The following ASIC2 variants were observed in gnomAD, a reference collection of about 807,000 sequenced individuals.
ASIC2 encodes acid-sensing ion channel 2.
In ASIC2, 25 loss-of-function variants were observed where a neutral mutation model predicts 57.3. That is an observed-to-expected ratio of 0.44 (90% CI 0.32 to 0.61). The LOEUF (loss-of-function observed/expected upper bound fraction) is 0.61, where lower values mean the gene tolerates loss of function less well. Among genes scored for constraint, ASIC2 ranks in the 20% least tolerant of loss-of-function variants. The probability of loss-of-function intolerance (pLI) is 0.06; values close to 1 mark genes in which losing one functional copy is unlikely to be tolerated. For missense variants in ASIC2, 641 were observed against 738.1 expected (o/e 0.87, Z 1.52); for synonymous variants, 319 against 307.5 (o/e 1.04, Z -0.39).
At chr17:33,512,382 C>T (rs1156835738) in intron 1 of ASIC2, among the ~76,000 whole-genome samples, 1 of 152,174 alleles carries the variant, frequency 6.6e-6, no homozygotes, top group Non-Finnish European at 1.5e-5. Flanking sequence ...GCTAGTTGGT[C>T]ATAGCTGTAG....
At chr17:33,578,987 A>T (rs947983878) in intron 1 of ASIC2, among the ~76,000 whole-genome samples, 5 of 152,112 alleles carry the variant, frequency 3.3e-5, no homozygotes, top group African/African-American at 9.7e-5. Flanking sequence ...GGAAGCGGTT[A>T]TAGAATGCAG....
chr17:33,462,783 G>A (rs953106982), intron 1 of ASIC2, among the ~76,000 whole-genome samples: 1 of 152,240 alleles, frequency 6.6e-6, no homozygotes, highest in African/African-American at 2.4e-5. Context: ...GAATTCTGGT[G>A]AGAACTTTGA....
chr17:33,986,761 C>T (rs1228286828), intron 1 of ASIC2, among the ~76,000 whole-genome samples: 1 of 151,880 alleles, frequency 6.6e-6, no homozygotes, highest in Non-Finnish European at 1.5e-5. Context: ...AGTCTTAATC[C>T]CCCATTATAC....
At chr17:33,776,211 G>T (rs1301595366) in intron 1 of ASIC2, among the ~76,000 whole-genome samples, 1 of 152,004 alleles carries the variant, frequency 6.6e-6, no homozygotes, top group African/African-American at 2.4e-5. Flanking sequence ...AACCCTCAAG[G>T]TTATTGGTAT....
chr17:33,751,007 G>T (rs753806094), intron 1 of ASIC2, among the ~76,000 whole-genome samples: 8 of 152,158 alleles, frequency 5.3e-5, no homozygotes, highest in South Asian at 2.1e-4. Context: ...GATGAAAGGG[G>T]GCCCCTTTTG....
chr17:34,083,992 A>G (rs1567814427), intron 1 of ASIC2, among the ~76,000 whole-genome samples: 1 of 152,044 alleles, frequency 6.6e-6, no homozygotes. Context: ...CTCCGATGGT[A>G]GTTTCTTTTG....
chr17:33,575,241 G>A (rs1916581502), intron 1 of ASIC2, among the ~76,000 whole-genome samples: 1 of 152,142 alleles, frequency 6.6e-6, no homozygotes, highest in African/African-American at 2.4e-5. Flanking sequence ...TCATATGAAG[G>A]TAGAGATGCA....
chr17:33,109,505 T>G (rs2092248182), intron 2 of ASIC2, among the ~76,000 whole-genome samples: 2 of 152,014 alleles, frequency 1.3e-5, no homozygotes. Flanking sequence ...TCTAAGTGAG[T>G]GTGCTGGTCC....
chr17:34,024,207 G>C (rs1597979279), intron 1 of ASIC2, among the ~76,000 whole-genome samples: 2 of 152,328 alleles, frequency 1.3e-5, no homozygotes, highest in East Asian at 1.9e-4. Flanking sequence ...CCCACTGGCT[G>C]TCTCTCTGAC....
At position 33,181,775 on chromosome 17, in the gene ASIC2, G is replaced by C. The variant is rs551913557; in HGVS notation, c.709-69708C>G. Reference sequence around the variant, plus strand: ...AGGCCCTATTCACACACAGGTACCAGGGGCAAGGACTTGGAGATATCTTTT... The same window carrying C: ...AGGCCCTATTCACACACAGGTACCACGGGCAAGGACTTGGAGATATCTTTT... On this transcript the variant is annotated intron_variant, in intron 1 of 9. Transcript: ENST00000225823. Among the ~76,000 whole-genome samples the C allele has an allele frequency of 3.9e-5, 6 of 152,328 alleles. No individual in the cohort carries two copies. The East Asian group carries it at 7.7e-4, about 20-fold the overall frequency.
chr17:33,395,535 G>A (rs1036041417), intron 1 of ASIC2, among the ~76,000 whole-genome samples: 1 of 152,178 alleles, frequency 6.6e-6, no homozygotes, highest in Non-Finnish European at 1.5e-5. Flanking sequence ...CCCACAACAT[G>A]TGGGAATTCG....
In ASIC2 at chr17:33,969,105, A is replaced by G. The variant is rs534779089; in HGVS notation, c.555+186873T>C. On this transcript the variant is annotated intron_variant, in intron 1 of 9. Coordinates refer to the ASIC2 transcript ENST00000359872. ...GGGTTCAGACGTCTGTATTTGCATAAGACTCTCCAGGTAATTACAAGCATG... is the reference window on the plus strand; with the variant it reads ...GGGTTCAGACGTCTGTATTTGCATAGGACTCTCCAGGTAATTACAAGCATG... 2.6e-5 allele frequency among the ~76,000 whole-genome samples: 4 copies of G among 152,304 alleles called. No homozygotes were observed. The South Asian group carries it at 8.3e-4, about 32-fold the overall frequency.
chr17:33,971,464 C>T (rs997576725), intron 1 of ASIC2, among the ~76,000 whole-genome samples: 2 of 152,178 alleles, frequency 1.3e-5, no homozygotes, highest in African/African-American at 2.4e-5. Flanking sequence ...TACGCTCACA[C>T]ACCAGCTCCT....
intron 3 of ASIC2, among the ~76,000 whole-genome samples, chr17:33,044,044 G>A (rs1224116680): frequency 6.6e-6 from 1 of 151,832 alleles, no homozygotes; most frequent in South Asian, 2.1e-4. Context: ...ATGTGAATTG[G>A]TTATGCAAAA....
rs116415569 is a variant in ASIC2, at chr17:33,568,460, A to C, written c.556-456393T>G. On this transcript the variant is annotated intron_variant, in intron 1 of 9. Coordinates refer to the ASIC2 transcript ENST00000359872. ...TTTCAACTTCCACATCTTGCAACTA[A>C]GGGTCTTAAATAAGACTGTTCCCTC... 7.3e-3 allele frequency among the ~76,000 whole-genome samples: 1,106 copies of C among 152,324 alleles called. 15 individuals are homozygous for C. The highest frequency in any genetic ancestry group is 0.026 in the African/African-American group (1,076 of 41,566).
chr17:33,090,004 T>A (rs1327597318), intron 2 of ASIC2, among the ~76,000 whole-genome samples: 3 of 152,170 alleles, frequency 2.0e-5, no homozygotes, highest in Non-Finnish European at 4.4e-5. Context: ...GCTCTCCAAA[T>A]GTAAACTGTA....
intron 1 of ASIC2, among the ~76,000 whole-genome samples, chr17:33,517,751 A>ATGACGAGTT (rs1424874709): frequency 6.6e-6 from 1 of 151,724 alleles, no homozygotes; most frequent in East Asian, 1.9e-4. Flanking sequence ...CAAATGTTAA[A>ATGACGAGTT]TGACGAGTTA....
At chr17:33,042,648 T>C (rs754584384) in intron 3 of ASIC2, among the ~76,000 whole-genome samples, 3 of 152,238 alleles carry the variant, frequency 2.0e-5, no homozygotes, top group Non-Finnish European at 4.4e-5. Flanking sequence ...GTTAAATGAC[T>C]CTGGTCACAT....
intron 1 of ASIC2, among the ~76,000 whole-genome samples, chr17:34,036,165 A>G (rs1006113901): frequency 2.6e-5 from 4 of 152,138 alleles, no homozygotes; most frequent in Non-Finnish European, 5.9e-5. Context: ...AATGTGGAAC[A>G]TACACACCAT....
Sources: allele counts gnomAD v4.1 joint callset (sites outside exome capture counted in the v4.1 genomes callset), GRCh38; gene constraint gnomAD v4.1.1; transcripts MANE v1.5; gene names NCBI Gene and HGNC (gene_info 2026-07-23, HGNC 2026-07-21).